Variants in ASTN2 observed in about 807,000 individuals in gnomAD.
ASTN2 encodes astrotactin 2.
In ASTN2, 54 loss-of-function variants were observed where a neutral mutation model predicts 139.8. The ratio of observed to expected loss-of-function variants is 0.39; its 90% CI spans 0.31 to 0.48. The LOEUF (loss-of-function observed/expected upper bound fraction) is 0.48. ASTN2 is among the 20% of genes least tolerant of loss of function. ASTN2 has a pLI of 0.95. For missense variants in ASTN2, 1,565 were observed against 1,725.1 expected, an observed-to-expected ratio of 0.91 and a Z score of 1.64; for synonymous variants, 756 against 719.5, an observed-to-expected ratio of 1.05 and a Z score of -0.81.
At chr9:117,129,707 T>C (rs1169019954) in intron 4 of ASTN2, among the ~76,000 whole-genome samples, 1 of 152,156 alleles carries the variant, frequency 6.6e-6, no homozygotes, top group Non-Finnish European at 1.5e-5. Context: ...TCTCTCAGTT[T>C]TTTCATTTAA....
rs761968566 is a variant in ASTN2, at chr9:116,496,817, T to G, written c.3356-9317A>C. Among the ~76,000 whole-genome samples, 7 of 152,352 alleles carry G rather than the reference T, an allele frequency of 4.6e-5. No homozygotes were observed. In the East Asian group the frequency reaches 9.7e-4, roughly 21 times the overall value. On this transcript the variant is annotated intron_variant, in intron 19 of 22. Coordinates refer to ENST00000313400, the MANE Select transcript of ASTN2 (RefSeq NM_001365068.1). ...CTTACGTGGTGGCAGGCAAGAGAGC[T>G]TGTGCAGGGGAACTGTCCTTTATAA...
intron 19 of ASTN2, among the ~76,000 whole-genome samples, chr9:116,496,080 C>T (rs2119118457): frequency 6.6e-6 from 1 of 152,308 alleles, no homozygotes; most frequent in Non-Finnish European, 1.5e-5. Flanking sequence ...TCAGAAAGGC[C>T]TTCTCTGGCC....
At chr9:116,696,950 T>TAAAAAAAA (rs11400163) in intron 16 of ASTN2, among the ~76,000 whole-genome samples, 1 of 137,124 alleles carries the variant, frequency 7.3e-6, no homozygotes. Flanking sequence ...GTGACATGAT[T>TAAAAAAAA]AAAAAAAAAA....
chr9:117,189,597 A>G (rs1388583104), intron 3 of ASTN2, among the ~76,000 whole-genome samples: 1 of 152,228 alleles, frequency 6.6e-6, no homozygotes, highest in Admixed American at 6.5e-5. Flanking sequence ...TTTTATATAT[A>G]TGATTTCCTT....
Position 116,975,345 on chromosome 9 carries a change from C to G in ASTN2, c.1752G>C (p.Arg584Ser). The change falls in exon 10 of 23, where the codon AGG (arginine) becomes AGC (serine). Residue 584 changes from arginine (R) to serine (S), a missense_variant and splice_region_variant. Coordinates refer to ENST00000313400, the MANE Select transcript of ASTN2 (RefSeq NM_001365068.1). ...TGEQAPEKILRSTFSLGQGLW... is the reference protein window; with the variant it reads ...TGEQAPEKILSSTFSLGQGLW... ...GGCCTTGGCCCAAGCTGAAAGTAGA[C>G]CTGCAATGTAAGAGTTTCCATTGGG... 1 of 1,603,694 alleles carries G rather than the reference C, an allele frequency of 6.2e-7. No individual in the cohort carries two copies. Among genetic ancestry groups the G allele is most frequent in the Non-Finnish European group, 8.5e-7 (1 of 1,175,456 alleles).
intron 1 of ASTN2, among the ~76,000 whole-genome samples, chr9:117,301,936 A>T (rs1348087653): frequency 6.6e-6 from 1 of 152,158 alleles, no homozygotes; most frequent in Non-Finnish European, 1.5e-5. Context: ...CTCTTATGAT[A>T]GCTGTGAGAA....
rs564069876 is a variant in ASTN2, at chr9:116,806,996, T to C, written c.2208-1176A>G. ...CCAAGAAATAAAGCATATAGTACTG[T>C]GAGTAAGTAGCAAAGTTGATATTCA... On this transcript the variant is annotated intron_variant, in intron 12 of 22. Transcript: ENST00000313400. Among the ~76,000 whole-genome samples the C allele has an allele frequency of 2.0e-5, 3 of 152,244 alleles. No homozygotes were observed. The East Asian group carries it at 5.8e-4, about 29-fold the overall frequency.
At chr9:116,761,493 G>A (rs576078605) in intron 13 of ASTN2, among the ~76,000 whole-genome samples, 4 of 152,164 alleles carry the variant, frequency 2.6e-5, no homozygotes, top group East Asian at 1.9e-4. Flanking sequence ...AGGAGTTGGC[G>A]GACTCCTGAT....
At chr9:117,351,956 G>A (rs1251254665) in intron 1 of ASTN2, among the ~76,000 whole-genome samples, 1 of 152,146 alleles carries the variant, frequency 6.6e-6, no homozygotes, top group Non-Finnish European at 1.5e-5. Flanking sequence ...CATCGTCTAA[G>A]CCCCTGGGAT....
At chr9:117,379,329 G>A (rs1441214800) in intron 1 of ASTN2, among the ~76,000 whole-genome samples, 1 of 152,132 alleles carries the variant, frequency 6.6e-6, no homozygotes, top group African/African-American at 2.4e-5. Flanking sequence ...GGGACCCGGT[G>A]TTCATTTCGG....
chr9:116,427,135 C>A (rs377475543), intron 22 of ASTN2, among the ~76,000 whole-genome samples: 1 of 152,068 alleles, frequency 6.6e-6, no homozygotes, highest in Non-Finnish European at 1.5e-5. Flanking sequence ...GTGGCATTAT[C>A]GACATTCTGG....
At chr9:116,707,703 T>C (rs1828030406) in intron 16 of ASTN2, among the ~76,000 whole-genome samples, 1 of 152,228 alleles carries the variant, frequency 6.6e-6, no homozygotes. Context: ...ACTATTTGGC[T>C]TTTGTACCTC....
intron 19 of ASTN2, chr9:116,582,454 T>G (rs1853987831): frequency 6.6e-6 from 1 of 152,226 alleles, no homozygotes; most frequent in Non-Finnish European, 1.5e-5. Context: ...AGAGTCAAAC[T>G]AAGACCCAAA....
At chr9:116,782,156 A>T (rs72750057) in intron 13 of ASTN2, among the ~76,000 whole-genome samples, 200 of 152,262 alleles carry the variant, frequency 1.3e-3, no homozygotes, top group Non-Finnish European at 2.3e-3. Flanking sequence ...GGAAAAAATC[A>T]TACCATGCCA....
chr9:116,700,369 C>T (rs1033921107), intron 16 of ASTN2: 1 of 167,480 alleles, frequency 6.0e-6, no homozygotes, highest in Non-Finnish European at 1.5e-5. Context: ...TGGATTGACC[C>T]TAGTTGGTTG....
At chr9:117,375,160 G>T (rs923198445) in intron 1 of ASTN2, among the ~76,000 whole-genome samples, 1 of 152,232 alleles carries the variant, frequency 6.6e-6, no homozygotes, top group African/African-American at 2.4e-5. Flanking sequence ...ACAGAGAGAT[G>T]GACAAGGGAA....
chr9:117,170,575 A>G (rs141693780), intron 3 of ASTN2, among the ~76,000 whole-genome samples: 278 of 152,260 alleles, frequency 1.8e-3, no homozygotes, highest in African/African-American at 6.3e-3. Flanking sequence ...CAGGCAGGAA[A>G]AAGAAGCATG....
At chr9:116,506,571 T>A (rs1195353212) in intron 19 of ASTN2, among the ~76,000 whole-genome samples, 3 of 151,848 alleles carry the variant, frequency 2.0e-5, no homozygotes, top group Non-Finnish European at 4.4e-5. Flanking sequence ...GCTCTGGCCC[T>A]CATCTGGGAG....
chr9:117,155,141 C>A (rs1182986127), intron 3 of ASTN2, among the ~76,000 whole-genome samples: 1 of 152,002 alleles, frequency 6.6e-6, no homozygotes, highest in Non-Finnish European at 1.5e-5. Flanking sequence ...ATATGCATCC[C>A]AGAAATTGTT....
Sources: allele counts gnomAD v4.1 joint callset (sites outside exome capture counted in the v4.1 genomes callset), GRCh38; gene constraint gnomAD v4.1.1; transcripts MANE v1.5; gene names NCBI Gene and HGNC (gene_info 2026-07-23, HGNC 2026-07-21).